Variants in ZCCHC7 observed in about 807,000 individuals in gnomAD.
The protein encoded by ZCCHC7 is zinc finger CCHC domain-containing protein 7.
ZCCHC7 carries 35 observed loss-of-function variants against 52.0 expected under a neutral mutation model. The ratio of observed to expected loss-of-function variants is 0.67; its 90% confidence interval spans 0.51 to 0.89. The LOEUF (loss-of-function observed/expected upper bound fraction) is 0.89. Among genes scored for constraint, ZCCHC7 ranks in the 40% least tolerant of loss-of-function variants. The probability of loss-of-function intolerance (pLI) is 0.00; values close to 1 mark genes in which losing one functional copy is unlikely to be tolerated. For synonymous variants in ZCCHC7, 217 were observed against 221.5 expected, an observed-to-expected ratio of 0.98 and a Z score of 0.18; for missense variants, 574 against 649.1, an observed-to-expected ratio of 0.88 and a Z score of 1.26.
chr9:37,140,694 A>G (rs1390088165), intron 2 of ZCCHC7, among the ~76,000 whole-genome samples: 1 of 151,994 alleles, frequency 6.6e-6, no homozygotes, highest in Non-Finnish European at 1.5e-5. Context: ...CAGGTCATCT[A>G]ATTTTCAAAC....
intron 2 of ZCCHC7, among the ~76,000 whole-genome samples, chr9:37,180,855 CTATA>C (rs1358941880): frequency 3.3e-5 from 5 of 152,142 alleles, no homozygotes; most frequent in African/African-American, 1.2e-4. Context: ...CTAAGTGAGA[CTATA>C]TAAGATATTT....
chr9:37,298,123 A>G (rs766853704), intron 2 of ZCCHC7, among the ~76,000 whole-genome samples: 1 of 152,224 alleles, frequency 6.6e-6, no homozygotes, highest in Admixed American at 6.5e-5. Flanking sequence ...TTGAAGACTA[A>G]ATGATGTTTA....
intron 2 of ZCCHC7, among the ~76,000 whole-genome samples, chr9:37,282,346 G>A (rs1827997410): frequency 6.6e-6 from 1 of 152,116 alleles, no homozygotes; most frequent in Non-Finnish European, 1.5e-5. Context: ...GCTCACGCCT[G>A]TAATCCCAGC....
chr9:37,166,915 T>C (rs534442905), intron 2 of ZCCHC7, among the ~76,000 whole-genome samples: 4 of 152,354 alleles, frequency 2.6e-5, no homozygotes, highest in East Asian at 3.9e-4. Context: ...TAAAATACTT[T>C]GTAAAACTTC....
intron 2 of ZCCHC7, among the ~76,000 whole-genome samples, chr9:37,148,733 A>G (rs1588380041): frequency 6.6e-6 from 1 of 152,020 alleles, no homozygotes; most frequent in East Asian, 1.9e-4. Flanking sequence ...TAAGGGGTTT[A>G]TATATTTTCT....
intron 2 of ZCCHC7, among the ~76,000 whole-genome samples, chr9:37,153,913 AAGGTCTTGCTCTGTC>A (rs1052775699): frequency 6.6e-6 from 1 of 152,112 alleles, no homozygotes; most frequent in African/African-American, 2.4e-5. Context: ...TTTTGGAGAC[AAGGTCTTGCTCTGTC>A]ATCCAGGCTA....
chr9:37,123,636 T>C (rs557848377), intron 1 of ZCCHC7, among the ~76,000 whole-genome samples: 4 of 152,320 alleles, frequency 2.6e-5, no homozygotes, highest in Non-Finnish European at 5.9e-5. Context: ...AACTTTGTAA[T>C]TTGGCTTTTT....
intron 6 of ZCCHC7, among the ~76,000 whole-genome samples, chr9:37,341,301 A>C (rs1175760348): frequency 1.3e-5 from 2 of 152,226 alleles, no homozygotes; most frequent in African/African-American, 2.4e-5. Flanking sequence ...CCTTAATGAC[A>C]TAAAAAATTA....
chr9:37,276,723 A>G (rs1053339276), intron 2 of ZCCHC7, among the ~76,000 whole-genome samples: 1 of 152,228 alleles, frequency 6.6e-6, no homozygotes, highest in African/African-American at 2.4e-5. Flanking sequence ...ATTGCCTAAA[A>G]TAGTAAATCA....
intron 3 of ZCCHC7, among the ~76,000 whole-genome samples, chr9:37,303,440 A>C (rs371397704): frequency 7.3e-5 from 11 of 151,256 alleles, no homozygotes; most frequent in African/African-American, 2.7e-4. Flanking sequence ...AAAAAAAAAG[A>C]AAGAAAGAAA....
chr9:37,199,702 T>G (rs71487717), intron 2 of ZCCHC7, among the ~76,000 whole-genome samples: 35 of 68,302 alleles, frequency 5.1e-4, no homozygotes, highest in South Asian at 1.4e-3. Context: ...CTGTCTGTCT[T>G]TCTTTCTGTC....
chr9:37,242,434 C>T (rs1438450438), intron 2 of ZCCHC7, among the ~76,000 whole-genome samples: 3 of 151,784 alleles, frequency 2.0e-5, no homozygotes, highest in African/African-American at 7.2e-5. Context: ...AGGGCACTTC[C>T]TTGCTTCCCA....
intron 2 of ZCCHC7, among the ~76,000 whole-genome samples, chr9:37,236,962 G>C (rs1303805017): frequency 1.3e-5 from 2 of 152,166 alleles, no homozygotes; most frequent in African/African-American, 4.8e-5. Flanking sequence ...TTCTTCAAGA[G>C]GGGTGCCTAT....
At chr9:37,221,823 A>G (rs1476597569) in intron 2 of ZCCHC7, among the ~76,000 whole-genome samples, 1 of 152,172 alleles carries the variant, frequency 6.6e-6, no homozygotes, top group Non-Finnish European at 1.5e-5. Flanking sequence ...TTTTTTGTAA[A>G]CTAAAGGTAT....
intron 2 of ZCCHC7, among the ~76,000 whole-genome samples, chr9:37,232,244 GA>G (rs1825443291): frequency 6.6e-6 from 1 of 152,172 alleles, no homozygotes; most frequent in African/African-American, 2.4e-5. Context: ...CCAAGAATCT[GA>G]AAGAATAGGT....
chr9:37,200,038 T>G (rs1260694993), intron 2 of ZCCHC7, among the ~76,000 whole-genome samples: 1 of 152,140 alleles, frequency 6.6e-6, no homozygotes, highest in African/African-American at 2.4e-5. Flanking sequence ...CTGCTCCCAT[T>G]TTTGCCTTCC....
intron 2 of ZCCHC7, among the ~76,000 whole-genome samples, chr9:37,290,166 T>C (rs539735522): frequency 1.6e-4 from 25 of 152,358 alleles, no homozygotes; most frequent in African/African-American, 6.0e-4. Context: ...ATTTTGTTCA[T>C]TGATATGTAT....
At chr9:37,142,394 C>T (rs2132779328) in intron 2 of ZCCHC7, among the ~76,000 whole-genome samples, 1 of 151,780 alleles carries the variant, frequency 6.6e-6, no homozygotes, top group Admixed American at 6.6e-5. Context: ...CTTTCTGTGT[C>T]TGTTAATTAC....
intron 2 of ZCCHC7, among the ~76,000 whole-genome samples, chr9:37,289,290 C>A (rs1426105689): frequency 6.6e-6 from 1 of 152,020 alleles, no homozygotes; most frequent in Non-Finnish European, 1.5e-5. Context: ...GCTGGGATTA[C>A]AGGCGCCTGC....
Sources: gnomAD v4.1 joint callset for allele counts (sites outside exome capture counted in the v4.1 genomes callset) on GRCh38, gnomAD v4.1.1 for gene constraint, MANE v1.5 for transcripts, NCBI Gene and HGNC (gene_info 2026-07-23, HGNC 2026-07-21) for gene names.